The following NT5DC3 variants were observed in gnomAD, a reference collection of about 807,000 sequenced individuals.
NT5DC3 encodes the protein 5'-nucleotidase domain containing 3.
In NT5DC3, 42 loss-of-function variants were observed where a neutral mutation model predicts 67.8. The ratio of observed to expected loss-of-function variants is 0.62; its 90% CI spans 0.48 to 0.80. NT5DC3 has a LOEUF of 0.80. Among genes scored for constraint, NT5DC3 ranks in the 30% least tolerant of loss-of-function variants. The probability of loss-of-function intolerance (pLI) is 0.00; values close to 1 mark genes in which losing one functional copy is unlikely to be tolerated. For missense variants in NT5DC3, 570 were observed against 696.4 expected, an observed-to-expected ratio of 0.82 and a Z score of 2.04; for synonymous variants, 237 against 255.6, an observed-to-expected ratio of 0.93 and a Z score of 0.69.
chr12:103,841,095 G>T lies in NT5DC3; in HGVS notation c.62C>A (p.Ala21Glu), dbSNP rs1050317990. 8.4e-7 allele frequency: 1 copy of T among 1,187,328 alleles called. No homozygotes were observed. Among genetic ancestry groups the T allele is most frequent in the Non-Finnish European group, 1.1e-6 (1 of 932,836 alleles). The allele number at this position is 1,187,328 out of a possible 1,614,324, so 73.5% of individuals were successfully genotyped here. Reference protein sequence around the residue: ...RGAGARAATAAALRGGCGTAA... With the variant: ...RGAGARAATAEALRGGCGTAA... ...GGTCCCGCAGCCACCCCGCAAAGCC[G>T]CCGCTGTCGCTGCCCTCGCCCCGGC... Residue 21 changes from alanine to glutamate, a missense_variant, in exon 1 of 14, where the codon GCG becomes GAG. Physicochemically the swap from Ala to Glu is moderately radical, Grantham distance 107. This residue lies in a region of NT5DC3 where 104 missense variants were observed against 88.4 expected (regional missense o/e 1.18). Transcript: ENST00000392876.
chr12:103,793,560 C>CAAT (rs1886163327), intron 7 of NT5DC3, 48 bp from the exon 8 acceptor site: 1 of 1,370,774 alleles, frequency 7.3e-7, no homozygotes, highest in Non-Finnish European at 1.0e-6. Context: ...TGATATTTGT[C>CAAT]AATCTGCAAG....
At chr12:103,763,472 A>C in the NT5DC3 span, 1 of 1,612,400 alleles carries the variant, frequency 6.2e-7, no homozygotes, top group Non-Finnish European at 8.5e-7. Flanking sequence ...CCTGGCTTTC[A>C]TGCTTGTCTT....
At chr12:103,797,256 G>T (rs1886359063) in intron 5 of NT5DC3, among the ~76,000 whole-genome samples, 1 of 152,134 alleles carries the variant, frequency 6.6e-6, no homozygotes, top group Non-Finnish European at 1.5e-5. Context: ...GATCAGCTGA[G>T]GTCAGGAGTT....
At chr12:103,791,717 C>T (rs1566104924) in intron 9 of NT5DC3, among the ~76,000 whole-genome samples, 2 of 152,174 alleles carry the variant, frequency 1.3e-5, no homozygotes, top group South Asian at 2.1e-4. Flanking sequence ...AGGAGGCGAG[C>T]GTCCAGTGGG....
At chr12:103,766,996 G>A (rs962420938), downstream of NT5DC3, 5 of 152,308 alleles carry the variant, frequency 3.3e-5, no homozygotes, top group African/African-American at 9.7e-5. Context: ...ATCCAAAATA[G>A]TACAGCCACT....
chr12:103,831,509 G>A (rs535781380), intron 1 of NT5DC3, among the ~76,000 whole-genome samples: 87 of 152,238 alleles, frequency 5.7e-4, no homozygotes, highest in African/African-American at 2.1e-3. Context: ...AAGGTCACGG[G>A]ACACTTCCAA....
chr12:103,802,198 A>G (rs770758814), intron 4 of NT5DC3: 1 of 152,234 alleles, frequency 6.6e-6, no homozygotes, highest in Non-Finnish European at 1.5e-5. Flanking sequence ...TGGACAGTGT[A>G]TATACAAGAA....
the NT5DC3 span, among the ~76,000 whole-genome samples, chr12:103,749,945 G>A: frequency 2.7e-5 from 4 of 150,450 alleles, no homozygotes; most frequent in East Asian, 2.0e-4. Flanking sequence ...TATAAAGGTG[G>A]TTCTAGAGTC....
chr12:103,813,173 C>G (rs1342024111), intron 2 of NT5DC3, among the ~76,000 whole-genome samples: 1 of 152,204 alleles, frequency 6.6e-6, no homozygotes, highest in Admixed American at 6.5e-5. Flanking sequence ...AACTGAAATG[C>G]CAGCACCAAT....
chr12:103,829,243 A>G (rs1887826966), intron 1 of NT5DC3, among the ~76,000 whole-genome samples: 2 of 152,194 alleles, frequency 1.3e-5, no homozygotes, highest in South Asian at 4.1e-4. Context: ...CTCTGCATAT[A>G]GTCTCTGTTG....
the NT5DC3 span, among the ~76,000 whole-genome samples, chr12:103,752,481 CTAT>C: frequency 6.6e-6 from 1 of 152,162 alleles, no homozygotes; most frequent in African/African-American, 2.4e-5. Flanking sequence ...GCTTCTTGAA[CTAT>C]TGCTGGTGTC....
downstream of NT5DC3, chr12:103,766,195 A>C (rs748326523): frequency 6.6e-7 from 1 of 1,506,570 alleles, no homozygotes; most frequent in Non-Finnish European, 9.2e-7. Context: ...GCTCAGGGAG[A>C]GTCATGCCTC....
the NT5DC3 span, chr12:103,746,600 T>C: frequency 6.2e-7 from 1 of 1,613,962 alleles, no homozygotes; most frequent in Admixed American, 1.7e-5. Context: ...TTTGCAGTTT[T>C]GCCTGCAGTG....
At position 103,780,362 on chromosome 12, in the gene NT5DC3, A is replaced by C; in HGVS notation, c.1332T>G (p.Val444=). The change falls in exon 13 of 14, where the codon GTT becomes GTG. Residue 444 remains valine, a splice_region_variant and synonymous_variant. Transcript: ENST00000392876. ...TLTGLLEQMQ[V]HRDAESQLVL... Reference sequence around the variant, plus strand: ...CCAGCTGTGACTCAGCATCTCTGTGAACCTGTAGGACACAAGTCAATTATT... The same window carrying C: ...CCAGCTGTGACTCAGCATCTCTGTGCACCTGTAGGACACAAGTCAATTATT... The C allele has an allele frequency of 6.2e-7, 1 of 1,613,752 alleles. No individual in the cohort carries two copies.
At chr12:103,822,133 GAATA>G (rs1337320192) in intron 1 of NT5DC3, 3 of 151,012 alleles carry the variant, frequency 2.0e-5, no homozygotes, top group African/African-American at 7.3e-5. Context: ...TTAAAAACAA[GAATA>G]TATACCATTT....
downstream of NT5DC3, among the ~76,000 whole-genome samples, chr12:103,767,810 T>C (rs746453666): frequency 3.3e-5 from 5 of 151,886 alleles, no homozygotes; most frequent in Non-Finnish European, 7.4e-5. Flanking sequence ...AGGTCGGGCA[T>C]GGTGGCTCAT....
chr12:103,756,975 CAGT>C, the NT5DC3 span, among the ~76,000 whole-genome samples: 1 of 123,022 alleles, frequency 8.1e-6, no homozygotes, highest in East Asian at 2.3e-4. Context: ...CTCTGGGCCT[CAGT>C]AGCCCAGAAG....
At chr12:103,748,925 A>C in the NT5DC3 span, 1 of 1,585,946 alleles carries the variant, frequency 6.3e-7, no homozygotes, top group South Asian at 1.2e-5. Context: ...GTTCCACAGA[A>C]GGTGGTAAGT....
At chr12:103,761,457 C>T in the NT5DC3 span, 10 of 1,533,274 alleles carry the variant, frequency 6.5e-6, no homozygotes, top group East Asian at 2.0e-4. Context: ...AGCCCCGGTG[C>T]CCACTCACCA....
Sources: allele counts gnomAD v4.1 joint callset (sites outside exome capture counted in the v4.1 genomes callset), GRCh38; gene constraint gnomAD v4.1.1; regional missense constraint gnomAD v4.1.1; transcripts MANE v1.5; gene names NCBI Gene and HGNC (gene_info 2026-07-23, HGNC 2026-07-21).